TMF1: variants seen among roughly 807,000 people sequenced by gnomAD.
The protein encoded by TMF1 is TATA element modulatory factor.
In TMF1, 71 loss-of-function variants were observed where a neutral mutation model predicts 126.5. The ratio of observed to expected loss-of-function variants is 0.56; its 90% confidence interval spans 0.46 to 0.68. The LOEUF (loss-of-function observed/expected upper bound fraction) is 0.68. TMF1 is among the 30% of genes least tolerant of loss of function. The probability of loss-of-function intolerance (pLI) is 0.00; values close to 1 mark genes in which losing one functional copy is unlikely to be tolerated. For missense variants in TMF1, 1,259 were observed against 1,253.2 expected (o/e 1.00, Z -0.07); for synonymous variants, 461 against 430.5 (o/e 1.07, Z -0.88).
intron 5 of TMF1, among the ~76,000 whole-genome samples, chr3:69,041,476 C>T (rs1004855562): frequency 7.9e-5 from 12 of 152,150 alleles, no homozygotes; most frequent in African/African-American, 2.7e-4. Flanking sequence ...TGTTCTCAAA[C>T]GCTACCCTTT....
intron 8 of TMF1, 138 bp downstream of exon 8, chr3:69,038,426 A>T: frequency 1.0e-6 from 1 of 965,872 alleles, no homozygotes; most frequent in Non-Finnish European, 1.5e-6. Flanking sequence ...ACAACTGGTT[A>T]AATTTAGCAG....
Position 69,038,600 on chromosome 3 carries a change from T to G in TMF1, c.2115A>C (p.Glu705Asp). ...ATGTTTCTTGCTGCTGACGGGCTTCTTCTTGGGCCTTCTCTAATGCTGCAG... is the reference window on the plus strand; with the variant it reads ...ATGTTTCTTGCTGCTGACGGGCTTCGTCTTGGGCCTTCTCTAATGCTGCAG... ...ELSAALEKAQ[E>D]EARQQQETLA... The change falls in exon 8 of 17, where the codon GAA (glutamate) becomes GAC (aspartate). Residue 705 changes from glutamate (E) to aspartate (D), a missense_variant. Transcript: ENST00000398559. 1 of 1,614,172 alleles carries G rather than the reference T, an allele frequency of 6.2e-7. No homozygotes were observed. Among genetic ancestry groups the G allele is most frequent in the Non-Finnish European group, 8.5e-7 (1 of 1,180,022 alleles).
At chr3:69,041,765 T>A (rs556199438) in intron 5 of TMF1, among the ~76,000 whole-genome samples, 39 of 152,280 alleles carry the variant, frequency 2.6e-4, no homozygotes, top group Admixed American at 1.2e-3. Flanking sequence ...AAAAAATTAA[T>A]AGTTCCTTAT....
chr3:69,037,248 A>G (rs1274776047), intron 8 of TMF1, among the ~76,000 whole-genome samples: 1 of 152,216 alleles, frequency 6.6e-6, no homozygotes, highest in African/African-American at 2.4e-5. Flanking sequence ...TAATCCCCGC[A>G]CTTTGGGAGG....
At position 69,047,913 on chromosome 3, in the gene TMF1, A is replaced by G. The variant is rs773515795; in HGVS notation, c.792T>C (p.His264=). Residue 264 remains histidine, a synonymous_variant, in exon 2 of 17, where the codon CAT becomes CAC. Coordinates refer to ENST00000398559, the MANE Select transcript of TMF1 (RefSeq NM_007114.3). The part of the protein sequence containing the change: ...STTSDIEVLD[H]ESVISESSAS... ...CTGAGCTCTCACTTATTACACTTTC[A>G]TGATCTAAAACTTCAATATCACTGG... 1 of 1,613,756 alleles carries G rather than the reference A, an allele frequency of 6.2e-7. No individual in the cohort carries two copies. The highest frequency in any genetic ancestry group is 1.7e-5 in the Admixed American group (1 of 59,992).
chr3:69,023,076 C>T lies in TMF1; in HGVS notation c.*101G>A. On this transcript the variant is annotated 3_prime_UTR_variant, in exon 17 of 17. Coordinates refer to ENST00000398559, the MANE Select transcript of TMF1 (RefSeq NM_007114.3). ...AAAATTTTTACACTCTACAGTAAAT[C>T]CCACTTTCTAATTCTATAAAAGAAT... 8.5e-7 allele frequency: 1 copy of T among 1,179,650 alleles called. No individual in the cohort carries two copies. Among genetic ancestry groups the T allele is most frequent in the Non-Finnish European group, 1.2e-6 (1 of 855,800 alleles). 73.1% of individuals were successfully genotyped at this position (1,179,650 alleles called of 1,614,324 possible).
intron 8 of TMF1, among the ~76,000 whole-genome samples, chr3:69,037,861 C>A (rs1210815063): frequency 6.6e-6 from 1 of 151,710 alleles, no homozygotes; most frequent in Non-Finnish European, 1.5e-5. Flanking sequence ...TCAGTTACCA[C>A]TTCACACACA....
chr3:69,051,921 G>C (rs773997725), intron 1 of TMF1, 24 bp downstream of exon 1: 7 of 1,609,318 alleles, frequency 4.3e-6, no homozygotes, highest in Non-Finnish European at 5.9e-6. Context: ...CGGGAGCCAG[G>C]AACCCCGCTC....
At position 69,033,786 on chromosome 3, in the gene TMF1, T is replaced by C. The variant is rs930599991; in HGVS notation, c.2245-82A>G. 1.3e-5 allele frequency: 16 copies of C among 1,248,608 alleles called. No individual in the cohort carries two copies. In the African/African-American group the frequency reaches 2.3e-4, roughly 18 times the overall value. 77.3% of individuals were successfully genotyped at this position (1,248,608 alleles called of 1,614,324 possible). The stretch of plus-strand genomic sequence containing the variant: ...ACTAGCAAACCTGAACTTTGAGAGG[T>C]TCCTGGAAAATTATTTTTCCAAGAG... On this transcript the variant is annotated intron_variant, in intron 9 of 16. Transcript: ENST00000398559.
chr3:69,030,621 C>T (rs1244143853), intron 10 of TMF1: 2 of 151,608 alleles, frequency 1.3e-5, no homozygotes, highest in African/African-American at 4.9e-5. Context: ...AATGGGTAAA[C>T]GACATAGACA....
At chr3:69,025,517 A>G (rs1481021780) in intron 15 of TMF1, 43 bp downstream of exon 15, 1 of 1,568,920 alleles carries the variant, frequency 6.4e-7, no homozygotes, top group Admixed American at 1.8e-5. Context: ...ATTAGGCCTC[A>G]AAACTTCATT....
At position 69,048,522 on chromosome 3, in the gene TMF1, G is replaced by C. The variant is rs762422064; in HGVS notation, c.183C>G (p.Thr61=). The part of the protein sequence containing the change: ...SPVSGGWDTS[T]WGLKSNTEPQ... ...GTTCAGTGTTTGATTTCAACCCCCAGGTTGAAGTATCCCATCCTCCACTGA... is the reference window on the plus strand; with the variant it reads ...GTTCAGTGTTTGATTTCAACCCCCACGTTGAAGTATCCCATCCTCCACTGA... Residue 61 remains threonine, a synonymous_variant, in exon 2 of 17, where the codon ACC becomes ACG. Transcript: ENST00000398559. 6.2e-7 allele frequency: 1 copy of C among 1,613,028 alleles called. No individual in the cohort carries two copies. The highest frequency in any genetic ancestry group is 8.5e-7 in the Non-Finnish European group (1 of 1,179,402).
intron 8 of TMF1, 32 bp downstream of exon 8, chr3:69,038,532 A>G: frequency 6.3e-7 from 1 of 1,598,320 alleles, no homozygotes; most frequent in Non-Finnish European, 8.5e-7. Flanking sequence ...AAATATTTTT[A>G]AAACTACTCT....
chr3:69,048,252 T>G lies in TMF1; in HGVS notation c.453A>C (p.Gln151His). The change falls in exon 2 of 17, where the codon CAA becomes CAC. Residue 151 changes from glutamine to histidine, a missense_variant. Transcript: ENST00000398559. ...QSRTPETTES[Q>H]VKDSSLCVSG... ...AAACACACAAAGAAGAGTCTTTTAC[T>G]TGTGATTCAGTTGTTTCAGGAGTTC... is the stretch of plus-strand genomic sequence containing the variant. The G allele has an allele frequency of 6.2e-7, 1 of 1,614,214 alleles. No homozygotes were observed.
At chr3:69,028,612 C>CT (rs2091782615) in intron 11 of TMF1, among the ~76,000 whole-genome samples, 3 of 152,166 alleles carry the variant, frequency 2.0e-5, no homozygotes, top group Admixed American at 6.5e-5. Flanking sequence ...TTCCACAAAG[C>CT]TTATTAGGGA....
intron 1 of TMF1, among the ~76,000 whole-genome samples, chr3:69,051,044 G>T (rs13319158): frequency 0.036 from 5,530 of 152,202 alleles, 321 homozygotes; most frequent in African/African-American, 0.13. Flanking sequence ...ACATTTTCCG[G>T]CTAATACCTC....
intron 8 of TMF1, chr3:69,035,460 C>T (rs572282999): frequency 7.2e-5 from 13 of 181,394 alleles, no homozygotes; most frequent in Admixed American, 2.3e-4. Context: ...ATTATAAAAG[C>T]TGGGGGCTCC....
intron 11 of TMF1, among the ~76,000 whole-genome samples, chr3:69,028,748 A>C (rs1382345975): frequency 6.6e-6 from 1 of 152,208 alleles, no homozygotes; most frequent in African/African-American, 2.4e-5. Flanking sequence ...CCATTGCCTT[A>C]ATATAATCTC....
intron 11 of TMF1, 70 bp downstream of exon 11, chr3:69,029,745 A>G: frequency 6.9e-7 from 1 of 1,446,186 alleles, no homozygotes; most frequent in Non-Finnish European, 9.3e-7. Flanking sequence ...CCGGCCCAAC[A>G]ACATACTTTT....
Sources: allele counts gnomAD v4.1 joint callset (sites outside exome capture counted in the v4.1 genomes callset), GRCh38; gene constraint gnomAD v4.1.1; transcripts MANE v1.5; gene names NCBI Gene and HGNC (gene_info 2026-07-23, HGNC 2026-07-21).